SAMD12: variants seen among roughly 807,000 people sequenced by gnomAD.
SAMD12 encodes the protein sterile alpha motif domain-containing protein 12.
Under a neutral mutation model 15.0 loss-of-function variants are expected in SAMD12, and 9 were observed. That is an observed-to-expected ratio of 0.60 (90% CI 0.36 to 1.05). SAMD12 has a LOEUF of 1.05. SAMD12 is among the 50% of genes least tolerant of loss of function. The pLI is 0.01. For missense variants in SAMD12, 230 were observed against 234.2 expected (o/e 0.98, Z 0.12); for synonymous variants, 86 against 90.1 (o/e 0.96, Z 0.25).
chr8:118,144,963 A>G, the SAMD12 span, among the ~76,000 whole-genome samples: 3 of 152,316 alleles, frequency 2.0e-5, no homozygotes, highest in Non-Finnish European at 4.4e-5. Flanking sequence ...TGCCTCAAGG[A>G]GTTTGCAATC....
the SAMD12 span, among the ~76,000 whole-genome samples, chr8:118,154,289 C>T: frequency 6.6e-6 from 1 of 152,126 alleles, no homozygotes; most frequent in South Asian, 2.1e-4. Context: ...CACTGGGCTA[C>T]CTATTCTTTA....
intron 2 of SAMD12, among the ~76,000 whole-genome samples, chr8:118,529,595 G>T (rs1825630283): frequency 6.6e-6 from 1 of 151,976 alleles, no homozygotes; most frequent in Non-Finnish European, 1.5e-5. Flanking sequence ...CACTCTCTAG[G>T]TCAATGCACA....
chr8:118,328,574 G>A (rs148198500), intron 4 of SAMD12, among the ~76,000 whole-genome samples: 74 of 152,238 alleles, frequency 4.9e-4, no homozygotes, highest in Middle Eastern at 6.8e-3. Flanking sequence ...TAGGAGGTAC[G>A]CAACAAAAAT....
At chr8:118,413,978 C>G (rs1821556504) in intron 3 of SAMD12, among the ~76,000 whole-genome samples, 1 of 152,110 alleles carries the variant, frequency 6.6e-6, no homozygotes, top group South Asian at 2.1e-4. Flanking sequence ...CAGTGAATCA[C>G]AGTGTTTATG....
At chr8:118,176,584 G>T in the SAMD12 span, among the ~76,000 whole-genome samples, 1 of 152,146 alleles carries the variant, frequency 6.6e-6, no homozygotes, top group Non-Finnish European at 1.5e-5. Context: ...AATACTGTAT[G>T]TTCTCACTTA....
chr8:118,222,868 G>A (rs868529600), intron 4 of SAMD12, among the ~76,000 whole-genome samples: 1 of 152,122 alleles, frequency 6.6e-6, no homozygotes, highest in Admixed American at 6.6e-5. Flanking sequence ...CATAATCACT[G>A]CACTGAATGT....
At chr8:118,236,344 C>A (rs1325605422) in intron 4 of SAMD12, among the ~76,000 whole-genome samples, 1 of 152,178 alleles carries the variant, frequency 6.6e-6, no homozygotes, top group African/African-American at 2.4e-5. Context: ...TACAGTTCAA[C>A]TTGCTAAATA....
chr8:118,481,841 G>T (rs968901281), intron 2 of SAMD12, among the ~76,000 whole-genome samples: 2 of 152,130 alleles, frequency 1.3e-5, no homozygotes, highest in Admixed American at 1.3e-4. Flanking sequence ...GAGACAGGAA[G>T]CTTCCATAGA....
intron 4 of SAMD12, chr8:118,282,160 T>C: frequency 2.5e-6 from 1 of 396,504 alleles, no homozygotes; most frequent in South Asian, 1.9e-5. Context: ...GACCTTATGG[T>C]GTAAGTAAAA....
rs73709147 is a variant in SAMD12 at position 118,621,370 on chromosome 8, C to T, written c.13+434G>A. Among the ~76,000 whole-genome samples the T allele has an allele frequency of 4.2e-3, 647 of 152,246 alleles. 2 individuals carry two copies. Among genetic ancestry groups the T allele is most frequent in the African/African-American group, 0.015 (610 of 41,542 alleles). Reference sequence around the variant, plus strand: ...TCGACCCAATCCCAGTCCAAGCTTCCGGATGACGCACCTGGGCTGGGGACC... The same window carrying T: ...TCGACCCAATCCCAGTCCAAGCTTCTGGATGACGCACCTGGGCTGGGGACC... On this transcript the variant is annotated intron_variant, in intron 1 of 3. Transcript: ENST00000314727.
intron 3 of SAMD12, among the ~76,000 whole-genome samples, chr8:118,415,245 T>C (rs546804127): frequency 1.1e-4 from 16 of 152,194 alleles, no homozygotes; most frequent in Non-Finnish European, 1.8e-4. Flanking sequence ...TTCATAAACA[T>C]TTCTGCCAAA....
At position 118,385,598 on chromosome 8, in the gene SAMD12, G is replaced by A. The variant is rs552325446; in HGVS notation, c.323-5898C>T. 2.0e-4 allele frequency among the ~76,000 whole-genome samples: 31 copies of A among 152,238 alleles called. No homozygotes were observed. The South Asian group carries it at 5.6e-3, about 28-fold the overall frequency. ...GTGTGTATACATATGCTCATACTGT[G>A]TATATACCCTCTTGGTTTTGTTTCT... On this transcript the variant is annotated intron_variant, in intron 3 of 3. Coordinates refer to ENST00000314727, the MANE Select transcript of SAMD12 (RefSeq NM_207506.3).
chr8:118,558,113 A>C (rs1262408179), intron 2 of SAMD12, among the ~76,000 whole-genome samples: 1 of 152,186 alleles, frequency 6.6e-6, no homozygotes, highest in Non-Finnish European at 1.5e-5. Flanking sequence ...TTCCCATATA[A>C]AAAGTATATC....
At chr8:118,402,304 T>C (rs1820907323) in intron 3 of SAMD12, among the ~76,000 whole-genome samples, 1 of 152,132 alleles carries the variant, frequency 6.6e-6, no homozygotes, top group Non-Finnish European at 1.5e-5. Flanking sequence ...GAGGTTTTGA[T>C]AAAGTACAGA....
chr8:118,470,243 CTTTT>C (rs1242564095), intron 2 of SAMD12, among the ~76,000 whole-genome samples: 2 of 134,596 alleles, frequency 1.5e-5, no homozygotes, highest in Non-Finnish European at 3.1e-5. Flanking sequence ...AATATGTTAT[CTTTT>C]TTTTTTTTTT....
the SAMD12 span, among the ~76,000 whole-genome samples, chr8:118,151,044 A>AT: frequency 4.0e-5 from 6 of 148,602 alleles, no homozygotes; most frequent in African/African-American, 9.9e-5. Flanking sequence ...CTCTAAAAAA[A>AT]TTTTTTTTTT....
Position 118,439,938 on chromosome 8 carries a change from T to A in SAMD12, c.216A>T (p.Lys72Asn). The A allele has an allele frequency of 6.2e-7, 1 of 1,613,676 alleles. No individual in the cohort carries two copies. Among genetic ancestry groups the A allele is most frequent in the Non-Finnish European group, 8.5e-7 (1 of 1,179,660 alleles). Residue 72 changes from lysine to asparagine, a missense_variant, in exon 3 of 4, where the codon AAA becomes AAT. Transcript: ENST00000314727. ...CCTGCTGGGTCCATAGAGCCACCGG[T>A]TTAGATAGCTTCACCGTAGCTGACT... Reference protein sequence around the residue: ...TAKSATVKLSKPVALWTQQDV... With the variant: ...TAKSATVKLSNPVALWTQQDV...
At chr8:118,304,290 G>C (rs138859755) in intron 4 of SAMD12, among the ~76,000 whole-genome samples, 74 of 152,316 alleles carry the variant, frequency 4.9e-4, no homozygotes, top group African/African-American at 1.7e-3. Context: ...AAAGTGTTTT[G>C]AAATGTCACA....
At chr8:118,382,180 G>A (rs997417454) in intron 3 of SAMD12, among the ~76,000 whole-genome samples, 3 of 152,144 alleles carry the variant, frequency 2.0e-5, no homozygotes, top group African/African-American at 7.2e-5. Context: ...CTGAAGCTCC[G>A]ATGATCTTAA....
Sources: allele counts gnomAD v4.1 joint callset (sites outside exome capture counted in the v4.1 genomes callset), GRCh38; gene constraint gnomAD v4.1.1; transcripts MANE v1.5; gene names NCBI Gene and HGNC (gene_info 2026-07-23, HGNC 2026-07-21).